The following ZNF846 variants were observed in gnomAD, a reference collection of about 807,000 sequenced individuals.
ZNF846 encodes zinc finger protein 420 pseudogene.
ZNF846 carries 15 observed loss-of-function variants against 16.0 expected under a neutral mutation model. The observed-to-expected ratio is 0.94, with a 90% CI of 0.63 to 1.45. The LOEUF is 1.45. Ranked by LOEUF, ZNF846 falls within the 40% of genes most tolerant of loss-of-function variation. The pLI is 0.00. For missense variants in ZNF846, 714 were observed against 622.3 expected, an observed-to-expected ratio of 1.15 and a Z score of -1.57; for synonymous variants, 229 against 212.0, an observed-to-expected ratio of 1.08 and a Z score of -0.70.
At chr19:9,781,906 TA>T (rs1450870120) in intron 1 of ZNF846, among the ~76,000 whole-genome samples, 2 of 151,634 alleles carry the variant, frequency 1.3e-5, no homozygotes, top group Non-Finnish European at 2.9e-5. Context: ...GCCTCCCAAG[TA>T]GCTGGGATTA....
downstream of ZNF846, among the ~76,000 whole-genome samples, chr19:9,751,724 G>A (rs1394793678): frequency 4.6e-5 from 7 of 151,574 alleles, no homozygotes; most frequent in South Asian, 2.1e-4. Context: ...CATCCTCCCC[G>A]CCCTTGTGAA....
upstream of ZNF846, among the ~76,000 whole-genome samples, chr19:9,769,689 G>T (rs1230183821): frequency 6.6e-6 from 1 of 152,010 alleles, no homozygotes; most frequent in Non-Finnish European, 1.5e-5. Context: ...AGATTAACCT[G>T]ATGGGGCTGG....
intron 1 of ZNF846, among the ~76,000 whole-genome samples, chr19:9,767,918 A>T (rs1420502813): frequency 1.3e-5 from 2 of 152,156 alleles, no homozygotes; most frequent in East Asian, 1.9e-4. Flanking sequence ...GGGCAATAAG[A>T]GCGAAACTCC....
intron 1 of ZNF846, among the ~76,000 whole-genome samples, chr19:9,778,875 C>T (rs1269444176): frequency 6.7e-6 from 1 of 148,826 alleles, no homozygotes; most frequent in African/African-American, 2.4e-5. Flanking sequence ...AACTCCTGGG[C>T]TCAATCCATC....
At chr19:9,757,712 G>A (rs762441577) in exon 6 of ZNF846, 8 of 1,612,890 alleles carry the variant, frequency 5.0e-6, no homozygotes, top group Admixed American at 1.7e-5. Flanking sequence ...ATGCTTTACC[G>A]CATTCCTTAC....
At chr19:9,754,883 G>C (rs1462640735), downstream of ZNF846, among the ~76,000 whole-genome samples, 1 of 143,634 alleles carries the variant, frequency 7.0e-6, no homozygotes, top group Non-Finnish European at 1.5e-5. Flanking sequence ...TTCTTTTTTT[G>C]AGATGGAGTA....
chr19:9,768,294 C>A (rs904920707), exon 1 of ZNF846: 6 of 152,210 alleles, frequency 3.9e-5, no homozygotes, highest in African/African-American at 1.4e-4. Context: ...CTCACCGGAA[C>A]GCACTGCAAT....
intron 1 of ZNF846, among the ~76,000 whole-genome samples, chr19:9,778,527 G>A (rs548446175): frequency 4.6e-5 from 7 of 152,248 alleles, no homozygotes; most frequent in East Asian, 3.9e-4. Context: ...TGAGGGGGCC[G>A]GGCACTGTGG....
At chr19:9,756,915 G>C (rs2045142159), downstream of ZNF846, 1 of 151,370 alleles carries the variant, frequency 6.6e-6, no homozygotes, top group African/African-American at 2.4e-5. Flanking sequence ...TAAACAATAT[G>C]CTGGGTGTGG....
chr19:9,759,077 C>T (rs2045181086), intron 5 of ZNF846, among the ~76,000 whole-genome samples: 1 of 151,764 alleles, frequency 6.6e-6, no homozygotes, highest in South Asian at 2.1e-4. Flanking sequence ...TGACTCACAG[C>T]AATCTCTGCC....
chr19:9,773,307 G>T (rs988828419), upstream of ZNF846, among the ~76,000 whole-genome samples: 1 of 152,022 alleles, frequency 6.6e-6, no homozygotes, highest in African/African-American at 2.4e-5. Context: ...GGCTATAGGC[G>T]TGCAACACCA....
chr19:9,775,360 A>G (rs1429508815), intron 1 of ZNF846, among the ~76,000 whole-genome samples: 1 of 152,142 alleles, frequency 6.6e-6, no homozygotes. Flanking sequence ...ACAGATATTA[A>G]GACATACTAT....
At chr19:9,770,031 C>T (rs1007823134), upstream of ZNF846, among the ~76,000 whole-genome samples, 4 of 151,634 alleles carry the variant, frequency 2.6e-5, no homozygotes, top group African/African-American at 7.3e-5. Flanking sequence ...TGCTCTGTGC[C>T]TCTGATACAT....
At chr19:9,757,424 G>C (rs748620690), downstream of ZNF846, 28 of 1,439,094 alleles carry the variant, frequency 1.9e-5, no homozygotes, top group Middle Eastern at 2.1e-4. Context: ...ACCTTCCTAT[G>C]ATTTTTTTCC....
In ZNF846 at chr19:9,777,532, G is replaced by A. The variant is rs1303171164; in HGVS notation, c.-86+8406C>T. On this transcript the variant is annotated intron_variant, in intron 1 of 4. Coordinates refer to the ZNF846 transcript ENST00000586814. ...CTAAAAATACAAAAATTAGCTGGGC[G>A]TGGTGGCATGTGCCTGTAATCCCAG... is the stretch of plus-strand genomic sequence containing the variant. Among the ~76,000 whole-genome samples the A allele has an allele frequency of 3.3e-5, 5 of 151,532 alleles. No individual in the cohort carries two copies. The East Asian group carries it at 7.8e-4, about 24-fold the overall frequency.
At chr19:9,776,212 G>A (rs117085323) in intron 1 of ZNF846, among the ~76,000 whole-genome samples, 2 of 152,190 alleles carry the variant, frequency 1.3e-5, no homozygotes, top group Non-Finnish European at 2.9e-5. Context: ...TTCCCCGGGG[G>A]GGTTTATAGA....
intron 4 of ZNF846, 92 bp from the exon 5 acceptor site, chr19:9,760,034 G>C (rs1291402735): frequency 2.2e-6 from 2 of 898,546 alleles, no homozygotes; most frequent in African/African-American, 3.4e-5. Context: ...GCTCACACCT[G>C]TAATCCTAGC....
intron 3 of ZNF846, 150 bp downstream of exon 3, chr19:9,763,132 C>T: frequency 1.6e-6 from 1 of 619,250 alleles, no homozygotes. Context: ...GCAATAGAGC[C>T]AGACTGTGTC....
At chr19:9,763,195 CTTA>C in intron 3 of ZNF846, 84 bp downstream of exon 3, 1 of 1,287,464 alleles carries the variant, frequency 7.8e-7, no homozygotes, top group Non-Finnish European at 1.0e-6. Context: ...GCCTGTCTTG[CTTA>C]TTACAGTACC....
Sources: allele counts gnomAD v4.1 joint callset (sites outside exome capture counted in the v4.1 genomes callset), GRCh38; gene constraint gnomAD v4.1.1; transcripts MANE v1.5; gene names NCBI Gene and HGNC (gene_info 2026-07-23, HGNC 2026-07-21).